The following PKHD1L1 variants were observed in gnomAD, a reference collection of about 807,000 sequenced individuals.
PKHD1L1 encodes the protein fibrocystin-L.
Under a neutral mutation model 462.9 loss-of-function variants are expected in PKHD1L1, and 434 were observed. The observed-to-expected ratio is 0.94, with a 90% CI of 0.87 to 1.02. PKHD1L1 has a LOEUF of 1.02. Among genes scored for constraint, PKHD1L1 ranks in the 50% least tolerant of loss-of-function variants. PKHD1L1 has a pLI of 0.00. For synonymous variants in PKHD1L1, 1,781 were observed against 1,750.0 expected, an observed-to-expected ratio of 1.02 and a Z score of -0.44; for missense variants, 5,202 against 5,096.1, an observed-to-expected ratio of 1.02 and a Z score of -0.63.
rs139740786 is a variant in PKHD1L1 at position 109,533,786 on chromosome 8, C to CA, written c.*3706dup. ...CTAAAAATCTACAGAAAAATCTTGA[C>CA]AAAAAAAAAATTCCAGTGGATTGAA... On this transcript the variant is annotated 3_prime_UTR_variant, in exon 78 of 78. Coordinates refer to ENST00000378402, the MANE Select transcript of PKHD1L1 (RefSeq NM_177531.6). 0.049 allele frequency among the ~76,000 whole-genome samples: 7,285 copies of CA among 147,468 alleles called. 412 individuals carry two copies. The highest frequency in any genetic ancestry group is 0.14 in the African/African-American group (5,519 of 40,216).
Position 109,531,462 on chromosome 8 carries a change from ATAGAGACAGAGAC to A in PKHD1L1, c.*1373_*1385del, listed in dbSNP as rs1821040031. 9.0e-6 allele frequency among the ~76,000 whole-genome samples: 1 copy of A among 111,440 alleles called. No individual in the cohort carries two copies. Among genetic ancestry groups the A allele is most frequent in the South Asian group, 5.1e-4 (1 of 1,972 alleles). The allele number at this position is 111,440 out of a possible 152,430, so 73.1% of individuals were successfully genotyped here. ...GAGAGAGACAGAGAAAGACAGAGAG[ATAGAGACAGAGAC>A]AGAGAGGGAGGGGGAGAGAGAGATA... On this transcript the variant is annotated 3_prime_UTR_variant, in exon 78 of 78. Coordinates refer to ENST00000378402, the MANE Select transcript of PKHD1L1 (RefSeq NM_177531.6).
In PKHD1L1 at chr8:109,444,676, T is replaced by C; in HGVS notation, c.4807T>C (p.Tyr1603His). ...PWANKVTIGS[Y>H]PCVVEESSED... ...TTACTTACAGGTTACAATTGGTAGC[T>C]ACCCCTGTGTCGTAGAAGAAAGTAG... The change falls in exon 38 of 78, where the codon TAC (tyrosine) becomes CAC (histidine). Residue 1603 changes from tyrosine to histidine, a missense_variant. This residue lies in a region of PKHD1L1 where 4,497 missense variants were observed against 4,336.8 expected (regional missense o/e 1.04). Transcript: ENST00000378402. 6.2e-7 allele frequency: 1 copy of C among 1,612,398 alleles called. No individual in the cohort carries two copies. Among genetic ancestry groups the C allele is most frequent in the Non-Finnish European group, 8.5e-7 (1 of 1,178,656 alleles).
At chr8:109,436,246 T>C in intron 29 of PKHD1L1, 92 bp from the exon 30 acceptor site, 8 of 1,353,962 alleles carry the variant, frequency 5.9e-6, no homozygotes, top group Non-Finnish European at 7.1e-6. Context: ...TAGACTATTC[T>C]CAAAAGACAA....
At chr8:109,442,322 C>A in intron 35 of PKHD1L1, 127 bp downstream of exon 35, 1 of 890,772 alleles carries the variant, frequency 1.1e-6, no homozygotes, top group Non-Finnish European at 1.6e-6. Flanking sequence ...AGGTATTTGG[C>A]ATTTTATTGC....
intron 73 of PKHD1L1, among the ~76,000 whole-genome samples, chr8:109,519,371 T>C (rs1820434027): frequency 2.6e-5 from 4 of 152,102 alleles, no homozygotes; most frequent in African/African-American, 7.2e-5. Context: ...CCTTTCAAGT[T>C]GGGGTCTGAA....
chr8:109,460,744 A>G (rs1817076785), intron 47 of PKHD1L1, among the ~76,000 whole-genome samples: 1 of 152,232 alleles, frequency 6.6e-6, no homozygotes, highest in Non-Finnish European at 1.5e-5. Flanking sequence ...TCAGTGATTT[A>G]AAATATAAAA....
intron 8 of PKHD1L1, 66 bp from the exon 9 acceptor site, chr8:109,390,386 A>G: frequency 1.2e-6 from 1 of 866,926 alleles, no homozygotes; most frequent in East Asian, 3.1e-5. Context: ...TCAGCTTTAT[A>G]ATATAGAGTT....
chr8:109,403,866 T>C (rs2130555182), intron 14 of PKHD1L1, among the ~76,000 whole-genome samples: 1 of 152,256 alleles, frequency 6.6e-6, no homozygotes, highest in African/African-American at 2.4e-5. Flanking sequence ...AATGGTGACA[T>C]TGCTAGAGAT....
intron 76 of PKHD1L1, among the ~76,000 whole-genome samples, chr8:109,524,441 AT>A (rs574395888): frequency 1.6e-4 from 24 of 150,134 alleles, no homozygotes; most frequent in Admixed American, 4.7e-4. Flanking sequence ...CCCAAATGGA[AT>A]TTTTTTTTTA....
intron 19 of PKHD1L1, among the ~76,000 whole-genome samples, chr8:109,412,055 G>A (rs2130601731): frequency 6.6e-6 from 1 of 152,106 alleles, no homozygotes; most frequent in East Asian, 1.9e-4. Flanking sequence ...ATCAAACTTG[G>A]GAACTAGTCA....
intron 50 of PKHD1L1, among the ~76,000 whole-genome samples, chr8:109,467,501 C>T (rs542412784): frequency 6.6e-6 from 1 of 150,504 alleles, no homozygotes; most frequent in Non-Finnish European, 1.5e-5. Context: ...CACATAGTTC[C>T]TCCTACTATA....
At chr8:109,444,129 A>G (rs965641265) in intron 37 of PKHD1L1, among the ~76,000 whole-genome samples, 1 of 151,622 alleles carries the variant, frequency 6.6e-6, no homozygotes, top group Admixed American at 6.6e-5. Context: ...CCCCCCAAAA[A>G]AAACCCTAAA....
chr8:109,490,874 T>TGATAAAGG, intron 60 of PKHD1L1, 98 bp from the exon 61 acceptor site: 1 of 1,085,758 alleles, frequency 9.2e-7, no homozygotes, highest in Non-Finnish European at 1.3e-6. Context: ...TATTGATTAT[T>TGATAAAGG]GATAAAGGTT....
intron 27 of PKHD1L1, among the ~76,000 whole-genome samples, chr8:109,432,195 C>T (rs1815146128): frequency 6.6e-6 from 1 of 151,992 alleles, no homozygotes; most frequent in African/African-American, 2.4e-5. Flanking sequence ...GTTTACCAAT[C>T]CTTTGCACAT....
Position 109,530,977 on chromosome 8 carries a change from A to G in PKHD1L1, c.*887A>G, listed in dbSNP as rs1446254152. On this transcript the variant is annotated 3_prime_UTR_variant, in exon 78 of 78. Transcript: ENST00000378402. ...ATGCAAAAAAGCTACAGACTAAGGTAGCTAAGTTAACCGAACTCTCTAACA... is the reference window on the plus strand; with the variant it reads ...ATGCAAAAAAGCTACAGACTAAGGTGGCTAAGTTAACCGAACTCTCTAACA... 6.6e-6 allele frequency among the ~76,000 whole-genome samples: 1 copy of G among 152,220 alleles called. No individual in the cohort carries two copies. The highest frequency in any genetic ancestry group is 1.5e-5 in the Non-Finnish European group (1 of 68,024).
chr8:109,389,135 C>T lies in PKHD1L1; in HGVS notation c.680C>T (p.Thr227Met), dbSNP rs778488598. 51 of 1,608,976 alleles carry T rather than the reference C, an allele frequency of 3.2e-5. 1 individual carries two copies. In the South Asian group the frequency reaches 3.2e-4, roughly 10 times the overall value. The change falls in exon 8 of 78, where the codon ACG becomes ATG. Residue 227 changes from threonine to methionine, a missense_variant. Transcript: ENST00000378402. ...NGDMGSMVCK[T>M]TGTFIGHHNV... The stretch of plus-strand genomic sequence containing the variant: ...GATATGGGTTCTATGGTTTGTAAGA[C>T]GACTGGAACTTTTATTGGCAAGTGT...
intron 77 of PKHD1L1, among the ~76,000 whole-genome samples, chr8:109,529,770 T>G (rs1820983672): frequency 1.3e-5 from 2 of 152,114 alleles, no homozygotes. Context: ...CTTTAATAAC[T>G]TTGCATTCTG....
chr8:109,508,348 C>A, intron 70 of PKHD1L1, 84 bp downstream of exon 70: 1 of 1,354,638 alleles, frequency 7.4e-7, no homozygotes, highest in Non-Finnish European at 1.0e-6. Context: ...AAATTATTTA[C>A]CCCACACAAC....
chr8:109,486,721 C>T lies in PKHD1L1; in HGVS notation c.9780C>T (p.Asn3260=). Residue 3260 remains asparagine, a synonymous_variant, in exon 59 of 78, where the codon AAC becomes AAT. Transcript: ENST00000378402. ...CTGATGTTGGGATACTGAGTAGGAA[C>T]ATCAAAATAGTTGGTGAAGATTACC... The part of the protein sequence containing the change: ...LAADVGILSR[N]IKIVGEDYPG... 6.2e-7 allele frequency: 1 copy of T among 1,612,488 alleles called. No homozygotes were observed. Among genetic ancestry groups the T allele is most frequent in the Non-Finnish European group, 8.5e-7 (1 of 1,178,900 alleles).
Sources: allele counts gnomAD v4.1 joint callset (sites outside exome capture counted in the v4.1 genomes callset), GRCh38; gene constraint gnomAD v4.1.1; regional missense constraint gnomAD v4.1.1; transcripts MANE v1.5; gene names NCBI Gene and HGNC (gene_info 2026-07-23, HGNC 2026-07-21).